RBM27: variants seen among roughly 807,000 people sequenced by gnomAD.
RBM27 encodes RNA binding motif protein 27.
In RBM27, 22 loss-of-function variants were observed where a neutral mutation model predicts 135.3. That is an observed-to-expected ratio of 0.16 (90% CI 0.12 to 0.23). The LOEUF (loss-of-function observed/expected upper bound fraction) is 0.23. RBM27 is among the 10% of genes least tolerant of loss of function. The pLI is 1.00. For missense variants in RBM27, 1,009 were observed against 1,281.0 expected (o/e 0.79, Z 3.24); for synonymous variants, 481 against 442.4 (o/e 1.09, Z -1.10).
At chr5:146,223,808 A>G (rs1756557661) in intron 3 of RBM27, among the ~76,000 whole-genome samples, 1 of 152,206 alleles carries the variant, frequency 6.6e-6, no homozygotes, top group Non-Finnish European at 1.5e-5. Flanking sequence ...TTGGTTAAAT[A>G]TAGAGAGATT....
chr5:146,255,038 C>A lies in RBM27; in HGVS notation c.1540C>A (p.Gln514Lys), dbSNP rs780322141. The A allele has an allele frequency of 6.2e-7, 1 of 1,611,660 alleles. No homozygotes were observed. ...ACAGTTCTTTTCAAGAACTCAGACACAGCGTCCCAATCTGATTGGCCTAAC... is the reference window on the plus strand; with the variant it reads ...ACAGTTCTTTTCAAGAACTCAGACAAAGCGTCCCAATCTGATTGGCCTAAC... ...YRQFFSRTQTQRPNLIGLTSG... is the reference protein window; with the variant it reads ...YRQFFSRTQTKRPNLIGLTSG... The change falls in exon 10 of 21, where the codon CAG (glutamine) becomes AAG (lysine). Residue 514 changes from glutamine (Q) to lysine (K), a missense_variant. Coordinates refer to ENST00000265271, the MANE Select transcript of RBM27 (RefSeq NM_018989.2).
chr5:146,203,940 C>A, intron 1 of RBM27, 116 bp downstream of exon 1: 1 of 1,023,024 alleles, frequency 9.8e-7, no homozygotes, highest in South Asian at 1.7e-5. Context: ...CCGGGAGGTC[C>A]CGGCGACGCC....
At chr5:146,214,778 G>T (rs1362526773) in intron 1 of RBM27, among the ~76,000 whole-genome samples, 1 of 152,086 alleles carries the variant, frequency 6.6e-6, no homozygotes, top group Non-Finnish European at 1.5e-5. Context: ...AATGTAAATG[G>T]TCCTATTCCT....
chr5:146,265,932 G>A (rs183375034), intron 14 of RBM27, among the ~76,000 whole-genome samples: 16 of 152,034 alleles, frequency 1.1e-4, no homozygotes, highest in East Asian at 1.9e-4. Flanking sequence ...TATCTTAAGC[G>A]GGAAAAAAAA....
intron 19 of RBM27, among the ~76,000 whole-genome samples, chr5:146,274,600 T>C (rs987581145): frequency 2.6e-5 from 4 of 152,196 alleles, no homozygotes; most frequent in African/African-American, 7.2e-5. Context: ...CAGACTTTTT[T>C]CTTCACATTC....
At chr5:146,205,125 T>G (rs928079240) in intron 1 of RBM27, among the ~76,000 whole-genome samples, 6 of 152,370 alleles carry the variant, frequency 3.9e-5, no homozygotes, top group Non-Finnish European at 8.8e-5. Flanking sequence ...CTCGAACTCC[T>G]GACTTCAGGT....
intron 19 of RBM27, among the ~76,000 whole-genome samples, chr5:146,272,144 C>T (rs1758892803): frequency 6.6e-6 from 1 of 152,194 alleles, no homozygotes; most frequent in African/African-American, 2.4e-5. Context: ...TCTTTCCAGC[C>T]ACTCATTCAT....
At chr5:146,266,818 C>T (rs1245099295) in intron 14 of RBM27, among the ~76,000 whole-genome samples, 2 of 151,972 alleles carry the variant, frequency 1.3e-5, no homozygotes, top group Non-Finnish European at 2.9e-5. Context: ...GCACCTATAG[C>T]CCCAGCTACT....
Position 146,229,055 on chromosome 5 carries a change from A to G in RBM27, c.395+18A>G. ...GAACGAAGGTTTGTGTTTATCTTTA[A>G]TTAGGAAGACATTGATAACTCACTT... On this transcript the variant is annotated intron_variant, in intron 4 of 20. Transcript: ENST00000265271. The G allele has an allele frequency of 6.2e-7, 1 of 1,600,414 alleles. No individual in the cohort carries two copies. The highest frequency in any genetic ancestry group is 1.7e-5 in the Admixed American group (1 of 59,524).
At chr5:146,217,474 T>TC (rs1401080046) in intron 1 of RBM27, among the ~76,000 whole-genome samples, 2 of 133,984 alleles carry the variant, frequency 1.5e-5, no homozygotes, top group Admixed American at 1.5e-4. Context: ...GTTTTTTTTT[T>TC]TTTTTTTTTT....
At chr5:146,215,251 T>C (rs1340629156) in intron 1 of RBM27, among the ~76,000 whole-genome samples, 1 of 152,142 alleles carries the variant, frequency 6.6e-6, no homozygotes, top group Non-Finnish European at 1.5e-5. Context: ...GGTTTCACCA[T>C]GTTGGCCAGG....
At chr5:146,240,891 T>C in intron 8 of RBM27, among the ~76,000 whole-genome samples, 1 of 152,168 alleles carries the variant, frequency 6.6e-6, no homozygotes, top group East Asian at 1.9e-4. Context: ...AAATCTCAAA[T>C]ATATATAAAA....
chr5:146,228,846 C>T, intron 3 of RBM27, 100 bp from the exon 4 acceptor site: 1 of 803,556 alleles, frequency 1.2e-6, no homozygotes, highest in South Asian at 1.6e-5. Flanking sequence ...ATCCTGGCCT[C>T]AAGCAGTCTT....
chr5:146,237,507 T>C (rs1757221090), intron 8 of RBM27, 75 bp downstream of exon 8: 3 of 1,430,510 alleles, frequency 2.1e-6, no homozygotes, highest in Non-Finnish European at 2.9e-6. Context: ...TATAACCCTT[T>C]AAAAAATGGT....
intron 2 of RBM27, 24 bp from the exon 3 acceptor site, chr5:146,223,379 G>A (rs1415367489): frequency 6.4e-7 from 1 of 1,568,114 alleles, no homozygotes. Flanking sequence ...TGCGCAATAT[G>A]TAAATGTTAT....
chr5:146,251,624 TGGCTCAAAG>T, intron 8 of RBM27, 78 bp from the exon 9 acceptor site: 2 of 1,287,934 alleles, frequency 1.6e-6, no homozygotes, highest in Admixed American at 4.0e-5. Context: ...TCTCTGTTTT[TGGCTCAAAG>T]TCTCAGGAAA....
chr5:146,278,492 A>G (rs1759186386), intron 19 of RBM27, among the ~76,000 whole-genome samples: 1 of 152,058 alleles, frequency 6.6e-6, no homozygotes, highest in Admixed American at 6.6e-5. Flanking sequence ...ATCTGCTTAA[A>G]GATATTCTCT....
intron 3 of RBM27, among the ~76,000 whole-genome samples, chr5:146,224,247 A>G (rs570743962): frequency 3.4e-4 from 52 of 151,656 alleles, no homozygotes; most frequent in South Asian, 2.3e-3. Flanking sequence ...GTATGTGTGT[A>G]TATATATATA....
chr5:146,285,339 C>A (rs1759537806), intron 20 of RBM27, among the ~76,000 whole-genome samples: 2 of 151,998 alleles, frequency 1.3e-5, no homozygotes, highest in Admixed American at 1.3e-4. Context: ...TTAAAAGATA[C>A]CTAGCTAGCA....
Sources: allele counts gnomAD v4.1 joint callset (sites outside exome capture counted in the v4.1 genomes callset), GRCh38; gene constraint gnomAD v4.1.1; transcripts MANE v1.5; gene names NCBI Gene and HGNC (gene_info 2026-07-23, HGNC 2026-07-21).